REV1: variants seen among roughly 807,000 people sequenced by gnomAD.
The protein encoded by REV1 is REV1 DNA directed polymerase.
REV1 carries 42 observed loss-of-function variants against 137.4 expected under a neutral mutation model. The observed-to-expected ratio is 0.31, with a 90% CI of 0.24 to 0.40. The LOEUF (loss-of-function observed/expected upper bound fraction) is 0.40, where lower values mean the gene tolerates loss of function less well. Ranked by LOEUF, REV1 falls within the 10% of genes least tolerant of loss-of-function variation. The pLI is 1.00. For synonymous variants in REV1, 524 were observed against 519.2 expected, an observed-to-expected ratio of 1.01 and a Z score of -0.12; for missense variants, 1,282 against 1,490.1, an observed-to-expected ratio of 0.86 and a Z score of 2.30.
At chr2:99,403,342 T>C in intron 19 of REV1, 1 of 574,834 alleles carries the variant, frequency 1.7e-6, no homozygotes, top group South Asian at 2.2e-5. Flanking sequence ...CTATGATGGG[T>C]AGTACTAAAT....
chr2:99,467,670 C>T (rs1488168734), intron 1 of REV1, among the ~76,000 whole-genome samples: 2 of 152,198 alleles, frequency 1.3e-5, no homozygotes. Flanking sequence ...TATCAGAACC[C>T]TATGAGTAAC....
chr2:99,473,534 C>T (rs925087001), intron 1 of REV1, among the ~76,000 whole-genome samples: 1 of 152,130 alleles, frequency 6.6e-6, no homozygotes, highest in African/African-American at 2.4e-5. Context: ...CATAGTGCTG[C>T]GTGTCTTTCA....
In REV1 at chr2:99,442,357, G is replaced by GC; in HGVS notation, c.462dup (p.Pro155AlafsTer19). On this transcript the variant is annotated frameshift_variant, in exon 5 of 23. Coordinates refer to ENST00000258428, the MANE Select transcript of REV1 (RefSeq NM_016316.4). LOFTEE classifies it high-confidence loss of function. ...TGTTTGGCTATATTGCTTGGACCTGGCAGAGGATCCTCAGGTCTGCATACA... is the reference window on the plus strand; with the variant it reads ...TGTTTGGCTATATTGCTTGGACCTGGCCAGAGGATCCTCAGGTCTGCATACA... 1 of 1,612,910 alleles carries GC rather than the reference G, an allele frequency of 6.2e-7. No homozygotes were observed. The highest frequency in any genetic ancestry group is 1.1e-5 in the South Asian group (1 of 91,046).
chr2:99,401,247 A>C lies in REV1; in HGVS notation c.3750T>G (p.Val1250=). The C allele has an allele frequency of 1.9e-6, 3 of 1,599,268 alleles. No individual in the cohort carries two copies. The highest frequency in any genetic ancestry group is 2.6e-6 in the Non-Finnish European group (3 of 1,166,618). The change falls in exon 23 of 23, where the codon GTT becomes GTG. Residue 1250 remains valine (V), a synonymous_variant. Transcript: ENST00000258428. ...LQQTYGSTLK[V]T is the part of the protein sequence containing the mutation. ...TCAGGCTCTCTGGTAATATTTATGT[A>C]ACTTTTAATGTGCTTCCATAAGTTT...
rs1222488332 is a variant in REV1, at chr2:99,459,018, C to A, written c.181+3478G>T. Reference sequence around the variant, plus strand: ...GGTCAGGAGATCAAGACCATACTGGCTAACACGGTGAAACCCCGTCTCTAC... The same window carrying A: ...GGTCAGGAGATCAAGACCATACTGGATAACACGGTGAAACCCCGTCTCTAC... On this transcript the variant is annotated intron_variant, in intron 3 of 22. Transcript: ENST00000258428. Among the ~76,000 whole-genome samples, 4 of 152,124 alleles carry A rather than the reference C, an allele frequency of 2.6e-5. No homozygotes were observed. The East Asian group carries it at 7.8e-4, about 29-fold the overall frequency.
intron 1 of REV1, among the ~76,000 whole-genome samples, chr2:99,486,924 AAAAC>A (rs532683218): frequency 2.4e-4 from 36 of 152,302 alleles, no homozygotes; most frequent in Middle Eastern, 3.4e-3. Context: ...TGGGAAAAAA[AAAAC>A]AGTGTATCTT....
At position 99,412,828 on chromosome 2, in the gene REV1, T is replaced by C. The variant is rs770802820; in HGVS notation, c.2075A>G (p.Tyr692Cys). Residue 692 changes from tyrosine to cysteine, a missense_variant, in exon 13 of 23, where the codon TAT (tyrosine) becomes TGT (cysteine). Coordinates refer to ENST00000258428, the MANE Select transcript of REV1 (RefSeq NM_016316.4). ...ATCATCCAAGCCACGGCAGAACCTA[T>C]AAAGCATCTGACCTGTTTTGGGACC... ...EFGPKTGQML[Y>C]RFCRGLDDRP... The C allele has an allele frequency of 6.2e-7, 1 of 1,614,174 alleles. No individual in the cohort carries two copies. The highest frequency in any genetic ancestry group is 1.1e-5 in the South Asian group (1 of 91,088).
intron 9 of REV1, among the ~76,000 whole-genome samples, chr2:99,426,477 A>G (rs1230999296): frequency 6.6e-6 from 1 of 152,240 alleles, no homozygotes; most frequent in African/African-American, 2.4e-5. Flanking sequence ...AATATAGTAC[A>G]TCTACTTATG....
Position 99,470,404 on chromosome 2 carries a change from C to T in REV1, c.-10-5419G>A, listed in dbSNP as rs531480123. Among the ~76,000 whole-genome samples, 8 of 152,232 alleles carry T rather than the reference C, an allele frequency of 5.3e-5. No individual in the cohort carries two copies. In the South Asian group the frequency reaches 1.4e-3, roughly 28 times the overall value. ...AGGTTCCTCTTCAGACTCTCCTCCC[C>T]GTGTAATTAGGAATAAATAGTAACT... On this transcript the variant is annotated intron_variant, in intron 1 of 22. Coordinates refer to ENST00000258428, the MANE Select transcript of REV1 (RefSeq NM_016316.4).
intron 6 of REV1, 25 bp downstream of exon 6, chr2:99,438,573 TAAG>T (rs1171862384): frequency 3.2e-6 from 5 of 1,542,226 alleles, no homozygotes; most frequent in South Asian, 1.1e-5. Flanking sequence ...GACTGTTTCT[TAAG>T]AAGACAATTT....
chr2:99,482,217 G>A (rs1686681049), intron 1 of REV1, among the ~76,000 whole-genome samples: 1 of 152,238 alleles, frequency 6.6e-6, no homozygotes, highest in South Asian at 2.1e-4. Context: ...GAGGTTTCCT[G>A]GCTGGCAATC....
At chr2:99,409,474 TA>T (rs1401717932) in intron 14 of REV1, among the ~76,000 whole-genome samples, 1 of 152,216 alleles carries the variant, frequency 6.6e-6, no homozygotes, top group Non-Finnish European at 1.5e-5. Context: ...AAATGACATG[TA>T]AAACCACACA....
Position 99,439,023 on chromosome 2 carries a change from G to C in REV1, c.791C>G (p.Ala264Gly). The C allele has an allele frequency of 6.2e-7, 1 of 1,614,186 alleles. No homozygotes were observed. Among genetic ancestry groups the C allele is most frequent in the Non-Finnish European group, 8.5e-7 (1 of 1,180,026 alleles). Residue 264 changes from alanine (A) to glycine (G), a missense_variant, in exon 6 of 23, where the codon GCT (alanine) becomes GGT (glycine). Ala to Gly is a moderately conservative substitution (Grantham distance 60). Around this residue, in one of 7 missense-constraint regions of REV1, gnomAD observed 432 missense variants for 438.0 expected, o/e 0.99. Coordinates refer to ENST00000258428, the MANE Select transcript of REV1 (RefSeq NM_016316.4). ...SPAFSQEEDKAEKSSTDFRDC... is the reference protein window; with the variant it reads ...SPAFSQEEDKGEKSSTDFRDC... ...TCTGAAATCAGTGCTGCTCTTCTCA[G>C]CCTTATCCTCCTCCTGGGAAAAGGC...
intron 9 of REV1, among the ~76,000 whole-genome samples, chr2:99,425,567 T>C (rs868284402): frequency 6.6e-6 from 1 of 152,158 alleles, no homozygotes. Context: ...AGAAAGTAGA[T>C]ACCTAACAGT....
chr2:99,483,695 A>G (rs560027919), intron 1 of REV1, among the ~76,000 whole-genome samples: 62 of 152,354 alleles, frequency 4.1e-4, no homozygotes, highest in Non-Finnish European at 7.2e-4. Flanking sequence ...TTACAAGAAC[A>G]TATCGTTTTA....
chr2:99,417,389 C>A (rs1214722567), intron 12 of REV1, among the ~76,000 whole-genome samples: 1 of 152,190 alleles, frequency 6.6e-6, no homozygotes, highest in African/African-American at 2.4e-5. Flanking sequence ...AATGATCCAT[C>A]TGCCTCGGCC....
chr2:99,446,892 CCTAA>C lies in REV1; in HGVS notation c.350+2440_350+2443del, dbSNP rs567938715. Among the ~76,000 whole-genome samples the C allele has an allele frequency of 3.3e-3, 510 of 152,286 alleles. 3 individuals carry two copies. Among genetic ancestry groups the C allele is most frequent in the African/African-American group, 0.011 (441 of 41,558 alleles). On this transcript the variant is annotated intron_variant, in intron 4 of 22. Coordinates refer to ENST00000258428, the MANE Select transcript of REV1 (RefSeq NM_016316.4). Reference sequence around the variant, plus strand: ...CAGAAATTCCCCATTCCCTCCAAAGCCTAACTATTGCCCCCAGATAAAAACTCTA... The same window carrying C: ...CAGAAATTCCCCATTCCCTCCAAAGCCTATTGCCCCCAGATAAAAACTCTA...
intron 9 of REV1, among the ~76,000 whole-genome samples, chr2:99,427,344 C>T (rs1679521695): frequency 6.6e-6 from 1 of 152,176 alleles, no homozygotes. Context: ...ATCTGTGTAT[C>T]GTTACCTATT....
intron 1 of REV1, among the ~76,000 whole-genome samples, chr2:99,484,363 C>G (rs2104298544): frequency 6.6e-6 from 1 of 152,148 alleles, no homozygotes; most frequent in African/African-American, 2.4e-5. Context: ...CATATGTACC[C>G]CAGAACCTAA....
Sources: gnomAD v4.1 joint callset for allele counts (sites outside exome capture counted in the v4.1 genomes callset) on GRCh38, gnomAD v4.1.1 for gene constraint, gnomAD v4.1.1 regional missense constraint, MANE v1.5 for transcripts, NCBI Gene and HGNC (gene_info 2026-07-23, HGNC 2026-07-21) for gene names.